The following BMAL2 variants were observed in gnomAD, a reference collection of about 807,000 sequenced individuals.
BMAL2 encodes the protein basic helix-loop-helix ARNT-like protein 2.
the BMAL2 span, among the ~76,000 whole-genome samples, chr12:27,354,010 G>T: frequency 4.6e-5 from 7 of 152,288 alleles, no homozygotes; most frequent in South Asian, 1.5e-3. Flanking sequence ...GCAGTTTGGA[G>T]GTTTCTCAAA....
chr12:27,414,707 T>G, the BMAL2 span, among the ~76,000 whole-genome samples: 1 of 152,100 alleles, frequency 6.6e-6, no homozygotes, highest in Non-Finnish European at 1.5e-5. Flanking sequence ...AAAAAAACCC[T>G]AGCTTTACAC....
chr12:27,422,265 T>C, the BMAL2 span: 1 of 152,212 alleles, frequency 6.6e-6, no homozygotes, highest in Non-Finnish European at 1.5e-5. Context: ...GGGGCAGCCC[T>C]CAGACTTCAA....
chr12:27,385,879 TG>T, the BMAL2 span, among the ~76,000 whole-genome samples: 159 of 152,222 alleles, frequency 1.0e-3, 1 homozygote, highest in African/African-American at 3.7e-3. Context: ...GCCGTCTGCC[TG>T]GCATCCTGTT....
At chr12:27,380,177 GTGAGC>G in the BMAL2 span, 1 of 1,489,870 alleles carries the variant, frequency 6.7e-7, no homozygotes. Context: ...ATCTGCTCCA[GTGAGC>G]AACACGGGGG....
chr12:27,395,207 T>C, the BMAL2 span, among the ~76,000 whole-genome samples: 2 of 152,332 alleles, frequency 1.3e-5, no homozygotes, highest in East Asian at 3.9e-4. Context: ...AAAATTTGGC[T>C]TCAAATATGG....
At chr12:27,390,210 A>C in the BMAL2 span, 9 of 1,613,878 alleles carry the variant, frequency 5.6e-6, no homozygotes, top group Admixed American at 6.7e-5. Context: ...AAAGAAGAGC[A>C]TGGATGCTTA....
the BMAL2 span, among the ~76,000 whole-genome samples, chr12:27,374,351 C>T: frequency 6.6e-6 from 1 of 151,782 alleles, no homozygotes; most frequent in African/African-American, 2.4e-5. Flanking sequence ...CATATAACAA[C>T]AATTTACATA....
At chr12:27,339,984 T>C in the BMAL2 span, among the ~76,000 whole-genome samples, 1 of 152,234 alleles carries the variant, frequency 6.6e-6, no homozygotes, top group Non-Finnish European at 1.5e-5. Flanking sequence ...TTCTGATAGA[T>C]GCTGGATATT....
chr12:27,364,708 G>A, the BMAL2 span, among the ~76,000 whole-genome samples: 6 of 152,238 alleles, frequency 3.9e-5, no homozygotes, highest in Admixed American at 1.3e-4. Context: ...TGTATTTTGA[G>A]AGGAATTACA....
chr12:27,420,252 A>AT, the BMAL2 span: 1 of 955,262 alleles, frequency 1.0e-6, no homozygotes. Flanking sequence ...TAAGATATAT[A>AT]CTTTGCCTTC....
chr12:27,361,193 C>T, the BMAL2 span, among the ~76,000 whole-genome samples: 3 of 152,132 alleles, frequency 2.0e-5, no homozygotes, highest in Admixed American at 2.0e-4. Flanking sequence ...TAACTATGAG[C>T]CTAAACCAAG....
At chr12:27,395,651 G>GT in the BMAL2 span, among the ~76,000 whole-genome samples, 1 of 152,044 alleles carries the variant, frequency 6.6e-6, no homozygotes, top group Non-Finnish European at 1.5e-5. Flanking sequence ...TTTATTGCAA[G>GT]TTTTACACAT....
chr12:27,355,329 C>T, the BMAL2 span, among the ~76,000 whole-genome samples: 7 of 152,158 alleles, frequency 4.6e-5, no homozygotes, highest in South Asian at 8.3e-4. Context: ...GCTCCATAGA[C>T]CCCTTAATCA....
At chr12:27,415,936 A>T in the BMAL2 span, 1 of 1,593,774 alleles carries the variant, frequency 6.3e-7, no homozygotes, top group South Asian at 1.1e-5. Flanking sequence ...TCATACTGTA[A>T]ACTGCAGGAG....
chr12:27,412,530 A>G, the BMAL2 span, among the ~76,000 whole-genome samples: 1 of 152,170 alleles, frequency 6.6e-6, no homozygotes, highest in Non-Finnish European at 1.5e-5. Flanking sequence ...GTGATTTTAA[A>G]ACATGAACAG....
chr12:27,415,730 C>T, the BMAL2 span: 20 of 643,500 alleles, frequency 3.1e-5, no homozygotes, highest in Admixed American at 6.3e-4. Context: ...GTAAGTCAGT[C>T]TAATTGTGAA....
the BMAL2 span, among the ~76,000 whole-genome samples, chr12:27,353,592 A>G: frequency 2.6e-5 from 4 of 152,218 alleles, no homozygotes; most frequent in Non-Finnish European, 5.9e-5. Context: ...TAATTAAACT[A>G]AAGAGTTTCT....
chr12:27,378,033 C>T, the BMAL2 span, among the ~76,000 whole-genome samples: 10 of 152,254 alleles, frequency 6.6e-5, no homozygotes, highest in East Asian at 1.9e-3. Flanking sequence ...GGAAGTCTCC[C>T]ACTTACCCTC....
At chr12:27,347,095 G>A in the BMAL2 span, among the ~76,000 whole-genome samples, 1 of 152,064 alleles carries the variant, frequency 6.6e-6, no homozygotes, top group Non-Finnish European at 1.5e-5. Flanking sequence ...TTAGAATCAT[G>A]AGCCAAATAA....
Sources: allele counts gnomAD v4.1 joint callset (sites outside exome capture counted in the v4.1 genomes callset), GRCh38; gene constraint gnomAD v4.1.1; transcripts MANE v1.5; gene names NCBI Gene and HGNC (gene_info 2026-07-23, HGNC 2026-07-21).